The following ADCY2 variants were observed in gnomAD, a reference collection of about 807,000 sequenced individuals.
The protein encoded by ADCY2 is adenylate cyclase 2.
Under a neutral mutation model 125.2 loss-of-function variants are expected in ADCY2, and 31 were observed. That is an observed-to-expected ratio of 0.25 (90% CI 0.19 to 0.33). ADCY2 has a LOEUF of 0.33. Ranked by LOEUF, ADCY2 falls within the 10% of genes least tolerant of loss-of-function variation. The pLI, the probability that ADCY2 is intolerant of heterozygous loss-of-function variation, is 1.00. For synonymous variants in ADCY2, 512 were observed against 548.4 expected, an observed-to-expected ratio of 0.93 and a Z score of 0.93; for missense variants, 904 against 1,418.2, an observed-to-expected ratio of 0.64 and a Z score of 5.82.
intron 3 of ADCY2, among the ~76,000 whole-genome samples, chr5:7,522,920 C>T (rs1294853995): frequency 3.2e-5 from 3 of 93,688 alleles, no homozygotes; most frequent in African/African-American, 6.8e-5. Context: ...AGCAAAACTC[C>T]GTCTCAAAAA....
intron 3 of ADCY2, among the ~76,000 whole-genome samples, chr5:7,583,952 T>C (rs1233730412): frequency 2.6e-5 from 4 of 152,080 alleles, no homozygotes; most frequent in Non-Finnish European, 5.9e-5. Context: ...AAACATATGC[T>C]AAATGAAAGG....
At chr5:7,645,790 T>C (rs1239614597) in intron 4 of ADCY2, among the ~76,000 whole-genome samples, 1 of 152,192 alleles carries the variant, frequency 6.6e-6, no homozygotes, top group Non-Finnish European at 1.5e-5. Flanking sequence ...ACTATTTCAG[T>C]GTTAGGGATA....
intron 3 of ADCY2, among the ~76,000 whole-genome samples, chr5:7,592,309 A>G (rs1337190455): frequency 2.0e-5 from 3 of 152,216 alleles, no homozygotes; most frequent in African/African-American, 7.2e-5. Flanking sequence ...GGAAGCTGAT[A>G]TCGTTGGATG....
At chr5:7,424,570 A>G (rs1579430630) in intron 2 of ADCY2, among the ~76,000 whole-genome samples, 3 of 152,332 alleles carry the variant, frequency 2.0e-5, no homozygotes, top group African/African-American at 2.4e-5. Context: ...GGATTGTTCT[A>G]TTTGAACCAC....
intron 2 of ADCY2, 146 bp from the exon 3 acceptor site, chr5:7,520,592 A>G: frequency 1.2e-6 from 1 of 847,262 alleles, no homozygotes; most frequent in Admixed American, 2.7e-5. Flanking sequence ...ACTTATTTGC[A>G]TCGACTGCCC....
intron 2 of ADCY2, among the ~76,000 whole-genome samples, chr5:7,517,806 G>A (rs563699737): frequency 1.7e-4 from 26 of 152,128 alleles, no homozygotes; most frequent in Admixed American, 6.5e-4. Context: ...TAATGGAGAC[G>A]GTATTAGAAT....
chr5:7,557,909 AATGGT>A lies in ADCY2; in HGVS notation c.570+37014_570+37018del, dbSNP rs372970922. ...ACCCAGTAATGGGATTGCTAGGTCG[AATGGT>A]ATGTCTGTATTTAGGTCTTTGCAGA... On this transcript the variant is annotated intron_variant, in intron 3 of 24. Coordinates refer to ENST00000338316, the MANE Select transcript of ADCY2 (RefSeq NM_020546.3). Among the ~76,000 whole-genome samples, 152 of 152,276 alleles carry A rather than the reference AATGGT, an allele frequency of 1.0e-3. 1 individual carries two copies. In the East Asian group the frequency reaches 0.026, roughly 26 times the overall value.
At chr5:7,783,382 G>A (rs1430232425) in intron 18 of ADCY2, among the ~76,000 whole-genome samples, 1 of 152,032 alleles carries the variant, frequency 6.6e-6, no homozygotes, top group Non-Finnish European at 1.5e-5. Flanking sequence ...TGACTGATGG[G>A]GAAAGTGACG....
At chr5:7,720,803 A>T (rs1267577005) in intron 12 of ADCY2, among the ~76,000 whole-genome samples, 1 of 152,112 alleles carries the variant, frequency 6.6e-6, no homozygotes, top group African/African-American at 2.4e-5. Context: ...TCACTGATGG[A>T]CATTTGGGTT....
At chr5:7,603,785 T>TTTTTTTTTTTTTTTTTTTTTTTTTC in intron 3 of ADCY2, among the ~76,000 whole-genome samples, 1 of 14,710 alleles carries the variant, frequency 6.8e-5, no homozygotes, top group African/African-American at 1.8e-4. Flanking sequence ...GCTCTCTTTC[T>TTTTTTTTTTTTTTTTTTTTTTTTTC]TTTTTTTTTT....
At chr5:7,793,643 C>T (rs1744330168) in intron 20 of ADCY2, 1 of 152,190 alleles carries the variant, frequency 6.6e-6, no homozygotes, top group Non-Finnish European at 1.5e-5. Flanking sequence ...TTTCCAGGAG[C>T]AAAGCAGGAA....
intron 3 of ADCY2, among the ~76,000 whole-genome samples, chr5:7,538,687 T>C (rs2126556907): frequency 6.6e-6 from 1 of 152,138 alleles, no homozygotes; most frequent in East Asian, 1.9e-4. Context: ...TGATTAATCA[T>C]ATAAACCTTA....
At chr5:7,453,551 A>T (rs768430650) in intron 2 of ADCY2, among the ~76,000 whole-genome samples, 9 of 152,216 alleles carry the variant, frequency 5.9e-5, no homozygotes, top group Non-Finnish European at 1.0e-4. Context: ...GCAGAAGGAG[A>T]GACCAAGGTA....
chr5:7,629,492 T>G (rs1738247085), intron 4 of ADCY2, among the ~76,000 whole-genome samples: 1 of 152,216 alleles, frequency 6.6e-6, no homozygotes, highest in Admixed American at 6.5e-5. Context: ...CCATTTGTAC[T>G]ATAAGATTTT....
Position 7,595,434 on chromosome 5 carries a change from C to T in ADCY2, c.571-30733C>T, listed in dbSNP as rs192713985. ...TTTAAATCTATTTTTTCCAAATATA[C>T]ATGAAATGATATTAGTTCCTGGCTT... is the stretch of plus-strand genomic sequence containing the variant. On this transcript the variant is annotated intron_variant, in intron 3 of 24. Transcript: ENST00000338316. Among the ~76,000 whole-genome samples, 13 of 152,250 alleles carry T rather than the reference C, an allele frequency of 8.5e-5. No homozygotes were observed. In the East Asian group the frequency reaches 2.3e-3, roughly 27 times the overall value.
chr5:7,535,662 T>C (rs981191691), intron 3 of ADCY2, among the ~76,000 whole-genome samples: 3 of 152,188 alleles, frequency 2.0e-5, no homozygotes, highest in Non-Finnish European at 4.4e-5. Flanking sequence ...GATTTACATC[T>C]CTTTCTGAGC....
intron 4 of ADCY2, among the ~76,000 whole-genome samples, chr5:7,665,744 C>T (rs538856932): frequency 1.7e-4 from 25 of 151,412 alleles, no homozygotes; most frequent in African/African-American, 6.1e-4. Flanking sequence ...AGCTGCTGCC[C>T]GGCCACATCT....
chr5:7,607,577 TA>T (rs1737421361), intron 3 of ADCY2, among the ~76,000 whole-genome samples: 1 of 152,228 alleles, frequency 6.6e-6, no homozygotes, highest in Non-Finnish European at 1.5e-5. Flanking sequence ...GGTGGAGCTT[TA>T]TTTCGCCTTT....
chr5:7,450,665 C>T (rs924610366), intron 2 of ADCY2, among the ~76,000 whole-genome samples: 1 of 152,182 alleles, frequency 6.6e-6, no homozygotes, highest in Admixed American at 6.5e-5. Context: ...AGAAGATGTC[C>T]TCTAGGACTT....
Sources: allele counts gnomAD v4.1 joint callset (sites outside exome capture counted in the v4.1 genomes callset), GRCh38; gene constraint gnomAD v4.1.1; transcripts MANE v1.5; gene names NCBI Gene and HGNC (gene_info 2026-07-23, HGNC 2026-07-21).